PACRG: variants seen among roughly 807,000 people sequenced by gnomAD.
PACRG encodes the protein parkin coregulated, also known as parkin coregulated gene protein.
PACRG carries 29 observed loss-of-function variants against 29.7 expected under a neutral mutation model. The ratio of observed to expected loss-of-function variants is 0.98; its 90% CI spans 0.73 to 1.33. The LOEUF (loss-of-function observed/expected upper bound fraction) is 1.33, where lower values mean the gene tolerates loss of function less well. PACRG is among the 40% of genes most tolerant of loss of function. PACRG has a pLI of 0.00. For synonymous variants in PACRG, 116 were observed against 118.7 expected, an observed-to-expected ratio of 0.98 and a Z score of 0.15; for missense variants, 279 against 316.2, an observed-to-expected ratio of 0.88 and a Z score of 0.89.
intron 2 of PACRG, among the ~76,000 whole-genome samples, chr6:162,871,769 T>A (rs558529258): frequency 6.6e-6 from 1 of 151,924 alleles, no homozygotes; most frequent in Non-Finnish European, 1.5e-5. Flanking sequence ...ATACAAAAAA[T>A]TAGCTGGGCG....
intron 4 of PACRG, among the ~76,000 whole-genome samples, chr6:163,276,374 C>A (rs1260491083): frequency 6.6e-6 from 1 of 152,132 alleles, no homozygotes; most frequent in Non-Finnish European, 1.5e-5. Flanking sequence ...CAAGGTATAT[C>A]CAATAATTGG....
rs560491137 is a variant in PACRG at position 163,041,179 on chromosome 6, T to C, written c.292-20971T>C. On this transcript the variant is annotated intron_variant, in intron 2 of 4. Coordinates refer to ENST00000366888, the MANE Select transcript of PACRG (RefSeq NM_001080379.2). Reference sequence around the variant, plus strand: ...GGTGAAACCCCGTCTCTACTAAAAATACAAAAAATTAGCTGGGCGTGGTGG... The same window carrying C: ...GGTGAAACCCCGTCTCTACTAAAAACACAAAAAATTAGCTGGGCGTGGTGG... Among the ~76,000 whole-genome samples the C allele has an allele frequency of 2.6e-5, 4 of 151,878 alleles. No individual in the cohort carries two copies. The South Asian group carries it at 6.2e-4, about 24-fold the overall frequency.
chr6:163,066,844 A>AT (rs1247078967), intron 3 of PACRG, among the ~76,000 whole-genome samples: 1 of 152,248 alleles, frequency 6.6e-6, no homozygotes, highest in East Asian at 1.9e-4. Flanking sequence ...AGAAGTCGTG[A>AT]TTTTAATTTT....
chr6:162,861,355 T>C (rs1215146683), intron 2 of PACRG, among the ~76,000 whole-genome samples: 2 of 152,224 alleles, frequency 1.3e-5, no homozygotes, highest in Admixed American at 6.5e-5. Context: ...TGTTTTAAGA[T>C]TGCCAATTTT....
At chr6:163,101,947 C>T (rs533115181) in intron 4 of PACRG, among the ~76,000 whole-genome samples, 1 of 152,322 alleles carries the variant, frequency 6.6e-6, no homozygotes, top group South Asian at 2.1e-4. Flanking sequence ...AAGTTGAGTG[C>T]TTACTATGTG....
intron 1 of PACRG, among the ~76,000 whole-genome samples, chr6:162,802,169 A>G (rs920592811): frequency 6.6e-6 from 1 of 152,114 alleles, no homozygotes; most frequent in Non-Finnish European, 1.5e-5. Context: ...TTCTCCTAAT[A>G]ATATATATCT....
At chr6:162,888,387 C>T (rs1289909358) in intron 2 of PACRG, among the ~76,000 whole-genome samples, 2 of 152,156 alleles carry the variant, frequency 1.3e-5, no homozygotes, top group Non-Finnish European at 2.9e-5. Context: ...ACTCTAGTCT[C>T]TGCCCTCCTC....
intron 4 of PACRG, among the ~76,000 whole-genome samples, chr6:163,116,408 C>G (rs375025550): frequency 6.6e-6 from 1 of 152,120 alleles, no homozygotes; most frequent in African/African-American, 2.4e-5. Flanking sequence ...CTGGGGACCA[C>G]AATTCGACGT....
At chr6:163,286,144 C>A (rs1247066953) in intron 4 of PACRG, among the ~76,000 whole-genome samples, 1 of 152,128 alleles carries the variant, frequency 6.6e-6, no homozygotes, top group African/African-American at 2.4e-5. Context: ...TAGTCCATGT[C>A]TTTTGGAATG....
intron 4 of PACRG, among the ~76,000 whole-genome samples, chr6:163,242,367 C>CT (rs1414833171): frequency 1.3e-5 from 2 of 152,220 alleles, no homozygotes; most frequent in African/African-American, 4.8e-5. Flanking sequence ...CAAATTATCG[C>CT]ATAGGGCAAC....
chr6:162,973,177 T>C (rs903274279), intron 2 of PACRG, among the ~76,000 whole-genome samples: 2 of 152,192 alleles, frequency 1.3e-5, no homozygotes, highest in Non-Finnish European at 2.9e-5. Flanking sequence ...AAACACAGCA[T>C]AAGTCCAACA....
chr6:163,098,018 A>G (rs1814757411), intron 4 of PACRG, among the ~76,000 whole-genome samples: 2 of 152,292 alleles, frequency 1.3e-5, no homozygotes, highest in South Asian at 4.1e-4. Flanking sequence ...GGGGTGAAAT[A>G]TTTTGATTTT....
intron 1 of PACRG, among the ~76,000 whole-genome samples, chr6:162,746,567 A>C (rs369641213): frequency 6.6e-6 from 1 of 152,206 alleles, no homozygotes; most frequent in Non-Finnish European, 1.5e-5. Flanking sequence ...TTCACACAAA[A>C]TTATCTTCTG....
At chr6:162,890,755 A>G (rs1169265116) in intron 2 of PACRG, among the ~76,000 whole-genome samples, 4 of 152,186 alleles carry the variant, frequency 2.6e-5, no homozygotes, top group African/African-American at 4.8e-5. Flanking sequence ...GTGAATCAGC[A>G]TGCTGGGGTA....
At chr6:163,124,800 A>G (rs1297436096) in intron 4 of PACRG, among the ~76,000 whole-genome samples, 1 of 152,214 alleles carries the variant, frequency 6.6e-6, no homozygotes, top group African/African-American at 2.4e-5. Context: ...TGCCCCATGT[A>G]GGCTCTGTAA....
At chr6:163,116,009 G>A (rs1198365213) in intron 4 of PACRG, among the ~76,000 whole-genome samples, 5 of 152,196 alleles carry the variant, frequency 3.3e-5, no homozygotes, top group African/African-American at 1.2e-4. Flanking sequence ...GCCCTCCCAA[G>A]CTGAGATATA....
At chr6:163,286,369 A>T (rs1784401657) in intron 4 of PACRG, among the ~76,000 whole-genome samples, 1 of 152,206 alleles carries the variant, frequency 6.6e-6, no homozygotes, top group African/African-American at 2.4e-5. Flanking sequence ...ACCCATAATA[A>T]CACAGGTAGT....
At chr6:162,982,524 G>T (rs1562801171) in intron 2 of PACRG, among the ~76,000 whole-genome samples, 1 of 151,924 alleles carries the variant, frequency 6.6e-6, no homozygotes, top group South Asian at 2.1e-4. Context: ...TCAGTTCAAA[G>T]AATTTTTAAA....
intron 3 of PACRG, among the ~76,000 whole-genome samples, chr6:163,088,752 C>T (rs1813823225): frequency 6.6e-6 from 1 of 151,894 alleles, no homozygotes; most frequent in Non-Finnish European, 1.5e-5. Flanking sequence ...ACTTTATGTT[C>T]ACTTCTACCA....
Sources: gnomAD v4.1 joint callset for allele counts (sites outside exome capture counted in the v4.1 genomes callset) on GRCh38, gnomAD v4.1.1 for gene constraint, MANE v1.5 for transcripts, NCBI Gene and HGNC (gene_info 2026-07-23, HGNC 2026-07-21) for gene names.